The following RALGPS2 variants were observed in gnomAD, a reference collection of about 807,000 sequenced individuals.
RALGPS2 encodes the protein Ral GEF with PH domain and SH3 binding motif 2.
In RALGPS2, 43 loss-of-function variants were observed where a neutral mutation model predicts 86.8. The observed-to-expected ratio is 0.50, with a 90% CI of 0.39 to 0.64. RALGPS2 has a LOEUF of 0.64. Ranked by LOEUF, RALGPS2 falls within the 30% of genes least tolerant of loss-of-function variation. The pLI is 0.00. For missense variants in RALGPS2, 536 were observed against 694.6 expected (o/e 0.77, Z 2.57); for synonymous variants, 243 against 231.3 (o/e 1.05, Z -0.46).
chr1:178,775,214 C>T (rs542020437), intron 1 of RALGPS2, among the ~76,000 whole-genome samples: 88 of 152,206 alleles, frequency 5.8e-4, no homozygotes, highest in African/African-American at 2.0e-3. Context: ...CTTATTATCC[C>T]TATTTTATAG....
chr1:178,900,552 T>A (rs1660128986), intron 17 of RALGPS2, among the ~76,000 whole-genome samples: 1 of 152,008 alleles, frequency 6.6e-6, no homozygotes, highest in African/African-American at 2.4e-5. Context: ...GAATCTGTCC[T>A]ACTGAAATTT....
At chr1:178,793,421 T>A (rs912080523) in intron 4 of RALGPS2, among the ~76,000 whole-genome samples, 12 of 149,820 alleles carry the variant, frequency 8.0e-5, no homozygotes, top group Admixed American at 6.0e-4. Context: ...TTTTTTTTTT[T>A]AAGAAATGGG....
rs1307302879 is a variant in RALGPS2, at chr1:178,876,899, T to A, written c.608-599T>A. ...CACATGAACCATTTCAGAAATTTAT[T>A]TGTTGATCTTTAAAATGTAAAACAT... On this transcript the variant is annotated intron_variant, in intron 8 of 19. Coordinates refer to ENST00000367635, the MANE Select transcript of RALGPS2 (RefSeq NM_152663.5). 3.3e-5 allele frequency among the ~76,000 whole-genome samples: 5 copies of A among 152,280 alleles called. No homozygotes were observed. In the East Asian group the frequency reaches 9.6e-4, roughly 29 times the overall value.
At chr1:178,806,823 C>T (rs571962258) in intron 4 of RALGPS2, among the ~76,000 whole-genome samples, 1 of 152,028 alleles carries the variant, frequency 6.6e-6, no homozygotes, top group East Asian at 1.9e-4. Context: ...TGTTGTGGTT[C>T]TCTCTCTCCC....
chr1:178,734,331 C>T lies in RALGPS2; in HGVS notation c.-84+8912C>T, dbSNP rs74129703. Among the ~76,000 whole-genome samples, 499 of 152,256 alleles carry T rather than the reference C, an allele frequency of 3.3e-3. 3 individuals carry two copies. Among genetic ancestry groups the T allele is most frequent in the African/African-American group, 0.012 (490 of 41,546 alleles). ...AATAATTTAACGTAGCATTACCATA[C>T]GACCCAGCAGTTCCTCTCCTAGAAC... On this transcript the variant is annotated intron_variant, in intron 1 of 19. Coordinates refer to ENST00000367635, the MANE Select transcript of RALGPS2 (RefSeq NM_152663.5).
At position 178,821,691 on chromosome 1, in the gene RALGPS2, C is replaced by T. The variant is rs1304081907; in HGVS notation, c.467C>T (p.Thr156Ile). The T allele has an allele frequency of 6.8e-6, 11 of 1,610,810 alleles. No individual in the cohort carries two copies. The highest frequency in any genetic ancestry group is 9.3e-6 in the Non-Finnish European group (11 of 1,177,416). ...CAGAGTGCCCCAATTTTCAGGTTGA[C>T]TAAAACATGGGCGGTGAGTAATATT... ...GLQSAPIFRL[T>I]KTWALLSRKD... Residue 156 changes from threonine to isoleucine, a missense_variant, in exon 7 of 20, where the codon ACT becomes ATT. Coordinates refer to ENST00000367635, the MANE Select transcript of RALGPS2 (RefSeq NM_152663.5).
At chr1:178,831,954 A>G (rs1656041394) in intron 7 of RALGPS2, among the ~76,000 whole-genome samples, 1 of 152,204 alleles carries the variant, frequency 6.6e-6, no homozygotes, top group East Asian at 1.9e-4. Context: ...CTGTGGCAAG[A>G]TTAGTTACGA....
At position 178,892,174 on chromosome 1, in the gene RALGPS2, TG is replaced by T. The variant is rs1659740212; in HGVS notation, c.1248-55del. ...ATTATACTGTTCTAGGTATTGATAA[TG>T]ACTGTGTGAATAAAAGTATATGTAA... On this transcript the variant is annotated intron_variant, in intron 14 of 19. Coordinates refer to ENST00000367635, the MANE Select transcript of RALGPS2 (RefSeq NM_152663.5). The T allele has an allele frequency of 1.9e-5, 27 of 1,454,312 alleles. No homozygotes were observed. In the South Asian group the frequency reaches 3.1e-4, roughly 17 times the overall value. 90.1% of individuals were successfully genotyped at this position (1,454,312 alleles called of 1,614,324 possible).
Position 178,774,273 on chromosome 1 carries a change from C to CA in RALGPS2, c.-83-2398dup, listed in dbSNP as rs199847745. Among the ~76,000 whole-genome samples the CA allele has an allele frequency of 6.0e-4, 84 of 140,358 alleles. 1 individual carries two copies. Among genetic ancestry groups the CA allele is most frequent in the South Asian group, 5.4e-3 (24 of 4,484 alleles). 92.1% of individuals were successfully genotyped at this position (140,358 alleles called of 152,430 possible). On this transcript the variant is annotated intron_variant, in intron 1 of 19. Transcript: ENST00000367635. ...CTGGGCAACAAGCAAAACTCTGTCT[C>CA]AAAAAAAAAAATAAAAGGAGAGAAA... is the stretch of plus-strand genomic sequence containing the variant.
In RALGPS2 at chr1:178,786,289, A is replaced by G. The variant is rs146142655; in HGVS notation, c.213+682A>G. ...GAAATAGACTTAGGGAAGTTGAATG[A>G]TTTACCTATTGCTTTGAAGCTTTTT... On this transcript the variant is annotated intron_variant, in intron 4 of 19. Transcript: ENST00000367635. 3.4e-4 allele frequency among the ~76,000 whole-genome samples: 51 copies of G among 152,128 alleles called. No individual in the cohort carries two copies. In the East Asian group the frequency reaches 9.2e-3, roughly 28 times the overall value.
chr1:178,845,579 A>G (rs1656827793), intron 8 of RALGPS2, among the ~76,000 whole-genome samples: 1 of 152,148 alleles, frequency 6.6e-6, no homozygotes, highest in Non-Finnish European at 1.5e-5. Flanking sequence ...ATCCCTTTCT[A>G]GCTCTTCCCA....
chr1:178,913,197 G>A (rs986325179), intron 19 of RALGPS2, among the ~76,000 whole-genome samples: 2 of 151,672 alleles, frequency 1.3e-5, no homozygotes, highest in Non-Finnish European at 1.5e-5. Flanking sequence ...CAGGAGAATC[G>A]CTTGAACCTG....
chr1:178,775,695 C>A (rs1320565356), intron 1 of RALGPS2, among the ~76,000 whole-genome samples: 1 of 152,074 alleles, frequency 6.6e-6, no homozygotes, highest in Non-Finnish European at 1.5e-5. Flanking sequence ...TCCTTATTTA[C>A]CATCCTGTGT....
chr1:178,727,811 GGACACAACAGGGGA>G (rs979290165), intron 1 of RALGPS2, among the ~76,000 whole-genome samples: 3 of 152,040 alleles, frequency 2.0e-5, no homozygotes, highest in Non-Finnish European at 2.9e-5. Flanking sequence ...TAGAGGTTGG[GGACACAACAGGGGA>G]GACACAACAG....
intron 8 of RALGPS2, among the ~76,000 whole-genome samples, chr1:178,859,122 C>G (rs566856126): frequency 1.3e-3 from 179 of 141,234 alleles, no homozygotes; most frequent in Non-Finnish European, 1.9e-3. Flanking sequence ...TATGTTTAAA[C>G]TGTATTTAGC....
chr1:178,892,914 C>G (rs948989987), intron 15 of RALGPS2, among the ~76,000 whole-genome samples: 1 of 151,952 alleles, frequency 6.6e-6, no homozygotes, highest in African/African-American at 2.4e-5. Context: ...AACAAAATAC[C>G]AAACTTCAGA....
At chr1:178,731,119 G>A (rs916325824) in intron 1 of RALGPS2, among the ~76,000 whole-genome samples, 2 of 152,030 alleles carry the variant, frequency 1.3e-5, no homozygotes, top group Non-Finnish European at 2.9e-5. Context: ...AAGAGTATAT[G>A]AAGAGGTAAA....
intron 8 of RALGPS2, chr1:178,864,901 G>T (rs1298244082): frequency 8.4e-7 from 1 of 1,192,544 alleles, no homozygotes; most frequent in Non-Finnish European, 1.1e-6. Context: ...GTTTCATAAG[G>T]CATAAAAATA....
At chr1:178,803,056 G>A (rs1654557390) in intron 4 of RALGPS2, among the ~76,000 whole-genome samples, 2 of 152,282 alleles carry the variant, frequency 1.3e-5, no homozygotes, top group Admixed American at 1.3e-4. Context: ...TTTGATAAGA[G>A]TGTTGTGAAA....
Sources: gnomAD v4.1 joint callset for allele counts (sites outside exome capture counted in the v4.1 genomes callset) on GRCh38, gnomAD v4.1.1 for gene constraint, MANE v1.5 for transcripts, NCBI Gene and HGNC (gene_info 2026-07-23, HGNC 2026-07-21) for gene names.